Variants in GRID2 observed in about 807,000 individuals in gnomAD.
GRID2 encodes the protein glutamate receptor ionotropic, delta-2.
A neutral mutation model predicts 114.8 loss-of-function variants in GRID2; 33 were observed. The observed-to-expected ratio is 0.29, with a 90% confidence interval of 0.22 to 0.38. GRID2 has a LOEUF of 0.38. Ranked by LOEUF, GRID2 falls within the 10% of genes least tolerant of loss-of-function variation. The probability of loss-of-function intolerance (pLI) is 1.00; values close to 1 mark genes in which losing one functional copy is unlikely to be tolerated. For synonymous variants in GRID2, 505 were observed against 449.9 expected, an observed-to-expected ratio of 1.12 and a Z score of -1.55; for missense variants, 1,184 against 1,257.7, an observed-to-expected ratio of 0.94 and a Z score of 0.89.
At chr4:93,316,327 A>G (rs560760567) in intron 8 of GRID2, among the ~76,000 whole-genome samples, 42 of 48,178 alleles carry the variant, frequency 8.7e-4, no homozygotes, top group African/African-American at 3.8e-3. Context: ...AAAGAAAGAA[A>G]GAAAGAAAGA....
At chr4:93,719,193 T>C (rs2110189568) in intron 14 of GRID2, among the ~76,000 whole-genome samples, 1 of 152,096 alleles carries the variant, frequency 6.6e-6, no homozygotes, top group South Asian at 2.1e-4. Context: ...GAAAAAACAC[T>C]TAAGATTTAT....
intron 2 of GRID2, among the ~76,000 whole-genome samples, chr4:92,649,407 G>A (rs898248844): frequency 6.6e-6 from 1 of 150,926 alleles, no homozygotes; most frequent in Non-Finnish European, 1.5e-5. Flanking sequence ...GATAGAATTT[G>A]CCCTTCTTCT....
At chr4:93,417,414 T>A (rs1413084973) in intron 9 of GRID2, among the ~76,000 whole-genome samples, 1 of 152,112 alleles carries the variant, frequency 6.6e-6, no homozygotes, top group Non-Finnish European at 1.5e-5. Context: ...TTATCCTTAT[T>A]TGATATCGCA....
intron 4 of GRID2, chr4:93,166,066 G>A (rs1319833019): frequency 1.3e-5 from 2 of 152,144 alleles, no homozygotes; most frequent in African/African-American, 2.4e-5. Flanking sequence ...GGTAAAAGGA[G>A]CAAATGAAAG....
chr4:92,514,635 C>T (rs1257925026), intron 1 of GRID2, among the ~76,000 whole-genome samples: 4 of 151,866 alleles, frequency 2.6e-5, no homozygotes, highest in Admixed American at 1.3e-4. Flanking sequence ...AATCTTAGAT[C>T]TTTCTATGAA....
intron 13 of GRID2, among the ~76,000 whole-genome samples, chr4:93,566,814 G>A (rs1454448569): frequency 6.6e-6 from 1 of 151,920 alleles, no homozygotes; most frequent in Non-Finnish European, 1.5e-5. Context: ...CAAGTTGTGT[G>A]ATTACAAAGA....
intron 1 of GRID2, among the ~76,000 whole-genome samples, chr4:92,376,131 T>C (rs1433526200): frequency 6.6e-6 from 1 of 151,828 alleles, no homozygotes; most frequent in Admixed American, 6.6e-5. Context: ...AACACAGTGA[T>C]ACCCTGTATC....
intron 4 of GRID2, among the ~76,000 whole-genome samples, chr4:93,117,538 A>C (rs776708275): frequency 6.6e-6 from 1 of 152,158 alleles, no homozygotes; most frequent in Admixed American, 6.6e-5. Context: ...GCATAGCTCA[A>C]AAACTTGAGT....
chr4:92,419,059 C>G (rs554240310), intron 1 of GRID2, among the ~76,000 whole-genome samples: 1 of 151,972 alleles, frequency 6.6e-6, no homozygotes, highest in South Asian at 2.1e-4. Context: ...CTTAATTTGC[C>G]TCTGCTATAG....
chr4:92,656,875 A>G (rs192795224), intron 2 of GRID2, among the ~76,000 whole-genome samples: 3 of 151,946 alleles, frequency 2.0e-5, no homozygotes, highest in Admixed American at 2.0e-4. Context: ...CAAAGTTGGT[A>G]TATACAAATT....
chr4:92,460,217 C>T (rs1459690941), intron 1 of GRID2, among the ~76,000 whole-genome samples: 1 of 151,162 alleles, frequency 6.6e-6, no homozygotes, highest in African/African-American at 2.4e-5. Flanking sequence ...GATACAGTGA[C>T]ACAGATATTG....
intron 2 of GRID2, among the ~76,000 whole-genome samples, chr4:92,962,735 C>T (rs774353194): frequency 2.0e-5 from 3 of 151,990 alleles, no homozygotes; most frequent in Admixed American, 6.6e-5. Context: ...TAAGTATGGG[C>T]ACCCGCCTAT....
intron 14 of GRID2, among the ~76,000 whole-genome samples, chr4:93,658,002 A>G (rs928542885): frequency 2.6e-5 from 4 of 152,186 alleles, no homozygotes; most frequent in Non-Finnish European, 5.9e-5. Context: ...TGGACCATTC[A>G]TTTCTACTTC....
At chr4:93,650,243 G>A (rs571400468) in intron 14 of GRID2, among the ~76,000 whole-genome samples, 1 of 152,074 alleles carries the variant, frequency 6.6e-6, no homozygotes, top group South Asian at 2.1e-4. Context: ...ACTGGAAAGT[G>A]GGGAAAAAAA....
chr4:93,803,217 T>C (rs1372686510), intron 1 of GRID2, among the ~76,000 whole-genome samples: 1 of 152,208 alleles, frequency 6.6e-6, no homozygotes, highest in Non-Finnish European at 1.5e-5. Context: ...ATTTACAATT[T>C]GGGGGCAATC....
chr4:92,477,377 G>A (rs1350195916), intron 1 of GRID2, among the ~76,000 whole-genome samples: 3 of 151,988 alleles, frequency 2.0e-5, no homozygotes, highest in Non-Finnish European at 4.4e-5. Context: ...ACACATCTTT[G>A]AAGTTTATAG....
intron 1 of GRID2, among the ~76,000 whole-genome samples, chr4:92,454,212 A>G (rs1268824778): frequency 6.6e-6 from 1 of 152,180 alleles, no homozygotes; most frequent in Non-Finnish European, 1.5e-5. Context: ...TGACAAAATA[A>G]TTAGATTTGT....
At chr4:93,095,518 G>A (rs1370984184) in intron 3 of GRID2, among the ~76,000 whole-genome samples, 2 of 152,020 alleles carry the variant, frequency 1.3e-5, no homozygotes, top group Non-Finnish European at 2.9e-5. Context: ...AAGCAAATAT[G>A]TCTTTATTTC....
chr4:93,547,466 A>G (rs1733332121), intron 13 of GRID2, among the ~76,000 whole-genome samples: 1 of 152,238 alleles, frequency 6.6e-6, no homozygotes. Flanking sequence ...CAAGCATTGT[A>G]TAATTCACAG....
Sources: allele counts gnomAD v4.1 joint callset (sites outside exome capture counted in the v4.1 genomes callset), GRCh38; gene constraint gnomAD v4.1.1; transcripts MANE v1.5; gene names NCBI Gene and HGNC (gene_info 2026-07-23, HGNC 2026-07-21).